The following CTTNBP2 variants were observed in gnomAD, a reference collection of about 807,000 sequenced individuals.
CTTNBP2 encodes cortactin binding protein 2.
CTTNBP2 carries 108 observed loss-of-function variants against 156.9 expected under a neutral mutation model. The ratio of observed to expected loss-of-function variants is 0.69; its 90% confidence interval spans 0.59 to 0.81. The LOEUF (loss-of-function observed/expected upper bound fraction) is 0.81, where lower values mean the gene tolerates loss of function less well. Among genes scored for constraint, CTTNBP2 ranks in the 30% least tolerant of loss-of-function variants. The probability of loss-of-function intolerance (pLI) is 0.00; values close to 1 mark genes in which losing one functional copy is unlikely to be tolerated. For missense variants in CTTNBP2, 1,924 were observed against 2,035.4 expected, an observed-to-expected ratio of 0.95 and a Z score of 1.05; for synonymous variants, 767 against 751.8, an observed-to-expected ratio of 1.02 and a Z score of -0.33.
intron 3 of CTTNBP2, among the ~76,000 whole-genome samples, chr7:117,796,097 T>C (rs1799298661): frequency 6.6e-6 from 1 of 152,176 alleles, no homozygotes; most frequent in African/African-American, 2.4e-5. Context: ...TCTCCTCCTT[T>C]AAGCTTTTTC....
At chr7:117,790,761 CTGATCA>C (rs1335128774) in intron 4 of CTTNBP2, among the ~76,000 whole-genome samples, 1 of 152,172 alleles carries the variant, frequency 6.6e-6, no homozygotes, top group East Asian at 1.9e-4. Context: ...CACGTACTGT[CTGATCA>C]TGACCCACTG....
At chr7:117,740,435 C>G (rs944533532) in intron 14 of CTTNBP2, among the ~76,000 whole-genome samples, 1 of 152,130 alleles carries the variant, frequency 6.6e-6, no homozygotes, top group Non-Finnish European at 1.5e-5. Flanking sequence ...CAGTGGAAGA[C>G]AGAAGTTCAG....
At chr7:117,774,869 T>G (rs958133804) in intron 8 of CTTNBP2, among the ~76,000 whole-genome samples, 1 of 152,174 alleles carries the variant, frequency 6.6e-6, no homozygotes, top group Non-Finnish European at 1.5e-5. Context: ...GTGGTCAATG[T>G]AGAATCTTTT....
chr7:117,778,548 T>C (rs1017464744), intron 7 of CTTNBP2, among the ~76,000 whole-genome samples: 11 of 152,166 alleles, frequency 7.2e-5, no homozygotes, highest in Non-Finnish European at 1.6e-4. Context: ...CTGGGAACTT[T>C]ATAGAACTGT....
intron 3 of CTTNBP2, among the ~76,000 whole-genome samples, chr7:117,803,187 G>A (rs1441163283): frequency 6.6e-6 from 1 of 152,096 alleles, no homozygotes; most frequent in Non-Finnish European, 1.5e-5. Context: ...CACCATATAC[G>A]CCATACGTAT....
chr7:117,742,029 C>A (rs1467146222), intron 14 of CTTNBP2, among the ~76,000 whole-genome samples: 1 of 152,190 alleles, frequency 6.6e-6, no homozygotes, highest in Non-Finnish European at 1.5e-5. Flanking sequence ...AAATAATACC[C>A]TCGTTGCCTT....
At chr7:117,725,302 A>C in intron 17 of CTTNBP2, 45 bp from the exon 18 acceptor site, 1 of 1,541,852 alleles carries the variant, frequency 6.5e-7, no homozygotes. Context: ...CAGGCTTCTC[A>C]ATAATTATAC....
intron 4 of CTTNBP2, among the ~76,000 whole-genome samples, chr7:117,785,531 A>G (rs971285280): frequency 3.3e-5 from 5 of 152,220 alleles, no homozygotes; most frequent in African/African-American, 4.8e-5. Context: ...TCACAGACCA[A>G]TTAAGACTAT....
At chr7:117,766,957 G>A (rs1797516593) in intron 9 of CTTNBP2, 102 bp downstream of exon 9, 3 of 740,096 alleles carry the variant, frequency 4.1e-6, no homozygotes, top group Non-Finnish European at 7.3e-6. Context: ...CTCCAAAAAG[G>A]TTAAAAAGGA....
chr7:117,738,689 T>C (rs1795836396), intron 14 of CTTNBP2, among the ~76,000 whole-genome samples: 2 of 151,942 alleles, frequency 1.3e-5, no homozygotes, highest in South Asian at 2.1e-4. Flanking sequence ...GAGGTGGTGG[T>C]GATGGGTTAT....
intron 2 of CTTNBP2, 93 bp from the exon 3 acceptor site, chr7:117,811,082 G>A: frequency 1.1e-6 from 1 of 943,422 alleles, no homozygotes; most frequent in Admixed American, 2.3e-5. Context: ...CTTCCAAATG[G>A]TATTCTCAAC....
chr7:117,777,481 C>G (rs1798166422), intron 8 of CTTNBP2, 30 bp downstream of exon 8: 1 of 1,596,878 alleles, frequency 6.3e-7, no homozygotes, highest in South Asian at 1.1e-5. Context: ...ATTACAGCTG[C>G]ATGATGAGGC....
At chr7:117,806,750 T>G (rs1486061937) in intron 3 of CTTNBP2, among the ~76,000 whole-genome samples, 3 of 146,544 alleles carry the variant, frequency 2.0e-5, no homozygotes, top group Admixed American at 6.8e-5. Flanking sequence ...TCTCATTTTT[T>G]TTTTTTTTTT....
At chr7:117,724,008 G>C (rs1212012930) in intron 19 of CTTNBP2, among the ~76,000 whole-genome samples, 1 of 152,002 alleles carries the variant, frequency 6.6e-6, no homozygotes, top group African/African-American at 2.4e-5. Flanking sequence ...GGGATTACAG[G>C]TATGAGCCAC....
At chr7:117,813,657 G>A (rs1381810845) in intron 2 of CTTNBP2, among the ~76,000 whole-genome samples, 7 of 151,904 alleles carry the variant, frequency 4.6e-5, no homozygotes, top group African/African-American at 1.2e-4. Flanking sequence ...TCTCCTTCAC[G>A]TCTGCAGAAT....
chr7:117,846,924 T>C (rs889401819), intron 2 of CTTNBP2, among the ~76,000 whole-genome samples: 4 of 151,836 alleles, frequency 2.6e-5, no homozygotes, highest in Admixed American at 1.3e-4. Context: ...TAACTTGTTA[T>C]GAAGAAAAAA....
chr7:117,741,647 A>G (rs1279490932), intron 14 of CTTNBP2, among the ~76,000 whole-genome samples: 1 of 152,204 alleles, frequency 6.6e-6, no homozygotes, highest in Admixed American at 6.5e-5. Context: ...GAGACGACAT[A>G]CCATTTCCTA....
chr7:117,816,364 C>T lies in CTTNBP2; in HGVS notation c.190-5375G>A, dbSNP rs114829823. Among the ~76,000 whole-genome samples, 567 of 152,330 alleles carry T rather than the reference C, an allele frequency of 3.7e-3. 5 individuals carry two copies. The highest frequency in any genetic ancestry group is 0.013 in the African/African-American group (539 of 41,566). On this transcript the variant is annotated intron_variant, in intron 2 of 22. Coordinates refer to ENST00000160373, the MANE Select transcript of CTTNBP2 (RefSeq NM_033427.3). ...CCCTGAACTGTGCAGCATGGAGGCA[C>T]TCTGTACACCACACAGTTGTTGGAG...
chr7:117,836,986 C>A (rs1295515386), intron 2 of CTTNBP2, among the ~76,000 whole-genome samples: 1 of 152,130 alleles, frequency 6.6e-6, no homozygotes, highest in Non-Finnish European at 1.5e-5. Context: ...TACAGCCAAA[C>A]CATATCACCA....
Sources: allele counts gnomAD v4.1 joint callset (sites outside exome capture counted in the v4.1 genomes callset), GRCh38; gene constraint gnomAD v4.1.1; transcripts MANE v1.5; gene names NCBI Gene and HGNC (gene_info 2026-07-23, HGNC 2026-07-21).